Variants in PROSER3 observed in about 807,000 individuals in gnomAD.
PROSER3 encodes the protein proline and serine-rich protein 3.
In PROSER3, 33 loss-of-function variants were observed where a neutral mutation model predicts 50.2. That is an observed-to-expected ratio of 0.66 (90% CI 0.50 to 0.88). The LOEUF is 0.88. Ranked by LOEUF, PROSER3 falls within the 40% of genes least tolerant of loss-of-function variation. PROSER3 has a pLI of 0.00. For synonymous variants in PROSER3, 266 were observed against 259.3 expected, an observed-to-expected ratio of 1.03 and a Z score of -0.25; for missense variants, 623 against 612.7, an observed-to-expected ratio of 1.02 and a Z score of -0.18.
intron 3 of PROSER3, among the ~76,000 whole-genome samples, chr19:35,760,754 T>C (rs550552956): frequency 3.0e-4 from 46 of 152,340 alleles, no homozygotes; most frequent in African/African-American, 1.1e-3. Flanking sequence ...CCCAAAGTTC[T>C]GGGATTACAG....
chr19:35,762,204 C>T, intron 4 of PROSER3, 49 bp from the exon 5 acceptor site: 4 of 1,596,804 alleles, frequency 2.5e-6, no homozygotes, highest in Non-Finnish European at 3.4e-6. Flanking sequence ...GATCAATGCC[C>T]CCAGCAGCCA....
chr19:35,767,689 G>A (rs1011679223), intron 8 of PROSER3: 9 of 1,306,912 alleles, frequency 6.9e-6, no homozygotes, highest in Non-Finnish European at 9.4e-6. Flanking sequence ...TGGAGGACAC[G>A]CCTCCTCACT....
At chr19:35,764,167 G>A (rs1971059931) in intron 5 of PROSER3, among the ~76,000 whole-genome samples, 2 of 152,106 alleles carry the variant, frequency 1.3e-5, no homozygotes, top group African/African-American at 4.8e-5. Context: ...GGGTCTCTAG[G>A]CTCCCATGGT....
At chr19:35,759,413 T>C (rs1970879320) in exon 2 of PROSER3, 11 of 1,613,684 alleles carry the variant, frequency 6.8e-6, no homozygotes, top group Non-Finnish European at 9.3e-6. Context: ...CCTTTGGAGA[T>C]GCGCCCCTGG....
chr19:35,767,629 C>G (rs1379872934), intron 8 of PROSER3: 1 of 794,592 alleles, frequency 1.3e-6, no homozygotes, highest in Non-Finnish European at 2.0e-6. Flanking sequence ...GCCCTCAGCT[C>G]AGGGGTGTCC....
chr19:35,767,130 C>T, intron 8 of PROSER3: 1 of 836,382 alleles, frequency 1.2e-6, no homozygotes, highest in Non-Finnish European at 1.8e-6. Context: ...AACCATGTCC[C>T]ACTGTGGAGC....
chr19:35,764,041 G>A (rs2146596842), intron 5 of PROSER3, among the ~76,000 whole-genome samples: 1 of 151,938 alleles, frequency 6.6e-6, no homozygotes, highest in East Asian at 2.0e-4. Context: ...TCCTGCCTCG[G>A]CCTCCTAAAG....
exon 11 of PROSER3, chr19:35,768,480 C>T (rs1971248847): frequency 1.3e-6 from 2 of 1,598,054 alleles, no homozygotes; most frequent in Admixed American, 1.7e-5. Context: ...AGCCGGGTCG[C>T]CCCCTAGGTC....
intron 5 of PROSER3, 102 bp from the exon 6 acceptor site, chr19:35,764,752 G>C: frequency 9.5e-7 from 1 of 1,050,004 alleles, no homozygotes; most frequent in South Asian, 1.5e-5. Flanking sequence ...GGCATGTGAG[G>C]TTACCAAGGG....
chr19:35,764,850 G>T lies in PROSER3; in HGVS notation c.544-4G>T, dbSNP rs1393022274. On this transcript the variant is annotated splice_region_variant and splice_polypyrimidine_tract_variant and intron_variant, in intron 5 of 10. Coordinates refer to ENST00000396908, the Ensembl canonical transcript of PROSER3. ...GGCTGGCGTCTGACCCTGTCACCCTGCAGAACCTCCACACATGGAACTCAT... is the reference window on the plus strand; with the variant it reads ...GGCTGGCGTCTGACCCTGTCACCCTTCAGAACCTCCACACATGGAACTCAT... 2 of 1,612,462 alleles carry T rather than the reference G, an allele frequency of 1.2e-6. No homozygotes were observed. Among genetic ancestry groups the T allele is most frequent in the Admixed American group, 1.7e-5 (1 of 59,806 alleles).
At chr19:35,758,225 A>C (rs752035115) in exon 1 of PROSER3, 1 of 1,562,678 alleles carries the variant, frequency 6.4e-7, no homozygotes, top group Non-Finnish European at 8.7e-7. Context: ...GATGGACCGC[A>C]GGTGAGGCCG....
intron 1 of PROSER3, chr19:35,758,782 C>T (rs910812513): frequency 6.5e-6 from 1 of 153,388 alleles, no homozygotes; most frequent in African/African-American, 2.4e-5. Flanking sequence ...ATTCTCATGC[C>T]TCAGCCTCCC....
chr19:35,760,035 A>G (rs767476946), intron 3 of PROSER3, 44 bp downstream of exon 3: 9 of 1,471,038 alleles, frequency 6.1e-6, no homozygotes, highest in Non-Finnish European at 8.2e-6. Context: ...TTTGGGTTAG[A>G]GGGAGGGAGA....
At chr19:35,767,709 C>A in intron 8 of PROSER3, 2 of 1,456,186 alleles carry the variant, frequency 1.4e-6, no homozygotes, top group Non-Finnish European at 1.9e-6. Context: ...TTCGAGGGCC[C>A]CCCTCCACCC....
At chr19:35,762,431 A>C in intron 5 of PROSER3, 75 bp downstream of exon 5, 11 of 1,358,200 alleles carry the variant, frequency 8.1e-6, no homozygotes, top group Non-Finnish European at 9.2e-6. Context: ...TTAGAAGATC[A>C]GGAGCAGTGG....
chr19:35,770,851 TTCTCTC>T (rs921605612), downstream of PROSER3: 3 of 151,016 alleles, frequency 2.0e-5, no homozygotes, highest in African/African-American at 7.3e-5. Context: ...TTCTCTCTCT[TTCTCTC>T]TCTCTCTGAC....
chr19:35,759,367 C>T lies in PROSER3; in HGVS notation c.12-7C>T. The T allele has an allele frequency of 6.2e-7, 1 of 1,612,922 alleles. No individual in the cohort carries two copies. The highest frequency in any genetic ancestry group is 1.1e-5 in the South Asian group (1 of 90,884). On this transcript the variant is annotated splice_polypyrimidine_tract_variant and splice_region_variant and intron_variant, in intron 1 of 10. Coordinates refer to ENST00000396908, the Ensembl canonical transcript of PROSER3. ...CGTGCTGCCTGAACCCCACTTTCCT[C>T]TTGCAGCCTGCCAGTTTTCTCCATT... is the stretch of plus-strand genomic sequence containing the variant.
At chr19:35,767,658 C>T in intron 8 of PROSER3, 6 of 1,069,064 alleles carry the variant, frequency 5.6e-6, no homozygotes, top group Non-Finnish European at 8.0e-6. Flanking sequence ...GTAGTGGCAG[C>T]TCGGCTGTTC....
At chr19:35,764,610 C>T (rs1332923827) in intron 5 of PROSER3, among the ~76,000 whole-genome samples, 3 of 150,716 alleles carry the variant, frequency 2.0e-5, no homozygotes, top group Admixed American at 6.6e-5. Flanking sequence ...GAGCCGAGAT[C>T]GTGCCATTGC....
Sources: gnomAD v4.1 joint callset for allele counts (sites outside exome capture counted in the v4.1 genomes callset) on GRCh38, gnomAD v4.1.1 for gene constraint, MANE v1.5 for transcripts, NCBI Gene and HGNC (gene_info 2026-07-23, HGNC 2026-07-21) for gene names.